Variants in ARL3 observed in about 807,000 individuals in gnomAD.
The protein encoded by ARL3 is ARF like GTPase 3, also known as ADP-ribosylation factor-like protein 3.
A neutral mutation model predicts 26.0 loss-of-function variants in ARL3; 9 were observed. The ratio of observed to expected loss-of-function variants is 0.35; its 90% confidence interval spans 0.21 to 0.60. ARL3 has a LOEUF of 0.60. ARL3 is among the 20% of genes least tolerant of loss of function. The pLI, the probability that ARL3 is intolerant of heterozygous loss-of-function variation, is 0.78. For synonymous variants in ARL3, 71 were observed against 78.4 expected (o/e 0.91, Z 0.50); for missense variants, 158 against 215.7 (o/e 0.73, Z 1.67).
chr10:102,697,517 T>A (rs1015715685), intron 3 of ARL3, among the ~76,000 whole-genome samples: 1 of 152,208 alleles, frequency 6.6e-6, no homozygotes, highest in Non-Finnish European at 1.5e-5. Flanking sequence ...ATTTATGAGG[T>A]CAGTCACTGA....
chr10:102,689,679 A>ATCT (rs2064206483), intron 4 of ARL3, among the ~76,000 whole-genome samples: 2 of 151,890 alleles, frequency 1.3e-5, no homozygotes, highest in Non-Finnish European at 2.9e-5. Context: ...TAAAAATACA[A>ATCT]AATTAGCCAG....
At chr10:102,706,041 T>C (rs909915920) in intron 1 of ARL3, among the ~76,000 whole-genome samples, 1 of 152,212 alleles carries the variant, frequency 6.6e-6, no homozygotes, top group Non-Finnish European at 1.5e-5. Flanking sequence ...GGGCTTCCTG[T>C]TAATGATTTT....
chr10:102,710,578 G>A (rs907604899), intron 1 of ARL3, among the ~76,000 whole-genome samples: 6 of 152,126 alleles, frequency 3.9e-5, no homozygotes, highest in East Asian at 1.9e-4. Context: ...ATCCATTCAC[G>A]CAATTATCAT....
intron 3 of ARL3, among the ~76,000 whole-genome samples, chr10:102,691,571 A>G (rs148658224): frequency 0.022 from 3,359 of 152,260 alleles, 60 homozygotes; most frequent in Admixed American, 0.038. Context: ...GTGAAACATT[A>G]TTCTTTTGGC....
intron 1 of ARL3, 105 bp from the exon 2 acceptor site, chr10:102,705,594 G>A (rs991185046): frequency 1.7e-6 from 2 of 1,159,330 alleles, no homozygotes; most frequent in East Asian, 5.6e-5. Context: ...GTTATGGAGA[G>A]CTTATGTTAT....
At chr10:102,685,387 C>T (rs556795882) in intron 5 of ARL3, among the ~76,000 whole-genome samples, 1 of 152,236 alleles carries the variant, frequency 6.6e-6, no homozygotes, top group South Asian at 2.1e-4. Flanking sequence ...GACACCAACC[C>T]TAGGGGTAGG....
chr10:102,685,745 C>T (rs1309387807), intron 5 of ARL3, 71 bp downstream of exon 5: 1 of 1,479,384 alleles, frequency 6.8e-7, no homozygotes, highest in Non-Finnish European at 9.1e-7. Context: ...CAAGATCAGC[C>T]CAACCAATGA....
At chr10:102,688,914 G>T (rs1040951506) in intron 4 of ARL3, among the ~76,000 whole-genome samples, 3 of 152,148 alleles carry the variant, frequency 2.0e-5, no homozygotes, top group Non-Finnish European at 4.4e-5. Flanking sequence ...TGTTCCTCTG[G>T]GTTCGTTTTC....
rs552955813 is a variant in ARL3, at chr10:102,681,186, G to C, written c.502-4245C>G. 2.6e-5 allele frequency among the ~76,000 whole-genome samples: 4 copies of C among 152,030 alleles called. No homozygotes were observed. In the South Asian group the frequency reaches 8.3e-4, roughly 32 times the overall value. On this transcript the variant is annotated intron_variant, in intron 5 of 5. Transcript: ENST00000260746. ...GCGGATCACCTGAGGTCAGGAGTTCGAGACCAGCCTGGCCAACATGGTGAA... is the reference window on the plus strand; with the variant it reads ...GCGGATCACCTGAGGTCAGGAGTTCCAGACCAGCCTGGCCAACATGGTGAA...
chr10:102,706,716 G>T (rs1245663198), intron 1 of ARL3, among the ~76,000 whole-genome samples: 1 of 151,904 alleles, frequency 6.6e-6, no homozygotes, highest in Non-Finnish European at 1.5e-5. Flanking sequence ...TGTCACCCAG[G>T]CTGGAGTGCA....
chr10:102,681,489 T>C (rs1483583721), intron 5 of ARL3, among the ~76,000 whole-genome samples: 1 of 151,878 alleles, frequency 6.6e-6, no homozygotes, highest in Non-Finnish European at 1.5e-5. Context: ...CGAGTGAGCA[T>C]TTAGTGTTCC....
intron 4 of ARL3, among the ~76,000 whole-genome samples, chr10:102,687,391 A>G (rs1300601046): frequency 6.6e-6 from 1 of 151,912 alleles, no homozygotes; most frequent in Non-Finnish European, 1.5e-5. Flanking sequence ...GATTGCCACC[A>G]TGCCCAGCTA....
chr10:102,699,309 G>A lies in ARL3; in HGVS notation c.264+64C>T, dbSNP rs925384090. On this transcript the variant is annotated intron_variant, in intron 3 of 5. Coordinates refer to ENST00000260746, the MANE Select transcript of ARL3 (RefSeq NM_004311.4). ...ATTACTGACAAGAAAGAATGTTACA[G>A]TGTCCATGTTTCTAACACATGGCAG... is the stretch of plus-strand genomic sequence containing the variant. 7 of 868,380 alleles carry A rather than the reference G, an allele frequency of 8.1e-6. No homozygotes were observed. In the African/African-American group the frequency reaches 2.1e-4, roughly 26 times the overall value. 53.8% of individuals were successfully genotyped at this position (868,380 alleles called of 1,614,324 possible). A position where few individuals can be genotyped will look rare whatever the true frequency, so the allele number is the denominator to read the frequency against.
In ARL3 at chr10:102,685,990, T is replaced by C. The variant is rs770692966; in HGVS notation, c.327A>G (p.Glu109=). ...RFEETGQELA[E]LLEEEKLSCV... ...AACTTAGTTTTTCTTCCTCCAGTAA[T>C]TCCGCTAGTTCCTGGATTTTGAGAA... Residue 109 remains glutamate, a synonymous_variant, in exon 5 of 6, where the codon GAA becomes GAG. Transcript: ENST00000260746. The C allele has an allele frequency of 6.2e-7, 1 of 1,612,960 alleles. No individual in the cohort carries two copies. Among genetic ancestry groups the C allele is most frequent in the Non-Finnish European group, 8.5e-7 (1 of 1,179,316 alleles).
chr10:102,680,037 C>T (rs1382776198), intron 5 of ARL3, among the ~76,000 whole-genome samples: 4 of 152,074 alleles, frequency 2.6e-5, no homozygotes, highest in African/African-American at 9.7e-5. Context: ...CTGCAAGCTC[C>T]GCCTCATGCC....
chr10:102,675,872 T>A lies in ARL3; in HGVS notation c.*1022A>T, dbSNP rs190916339. 6.5e-6 allele frequency: 1 copy of A among 152,744 alleles called. No homozygotes were observed. The highest frequency in any genetic ancestry group is 1.5e-5 in the Non-Finnish European group (1 of 68,028). The allele number at this position is 152,744 out of a possible 1,614,324, so 9.5% of individuals were successfully genotyped here. ...TCTAAAAATCGATCTGCCTGGCTTT[T>A]CTCAGTGGAGCAGGTTCATGGTAAA... On this transcript the variant is annotated 3_prime_UTR_variant, in exon 6 of 6. Transcript: ENST00000260746.
At chr10:102,708,908 A>ATATATATATATATATATATTTTTT in intron 1 of ARL3, among the ~76,000 whole-genome samples, 7 of 95,316 alleles carry the variant, frequency 7.3e-5, no homozygotes, top group Admixed American at 1.2e-4. Context: ...ATATATATAT[A>ATATATATATATATATATATTTTTT]TTTTTTTTTT....
At chr10:102,680,862 C>A (rs1000363348) in intron 5 of ARL3, among the ~76,000 whole-genome samples, 1 of 152,174 alleles carries the variant, frequency 6.6e-6, no homozygotes, top group African/African-American at 2.4e-5. Context: ...CAGCTGGATG[C>A]TGCTTCCATC....
chr10:102,708,886 T>TTA (rs1554864082), intron 1 of ARL3, among the ~76,000 whole-genome samples: 2 of 90,502 alleles, frequency 2.2e-5, no homozygotes, highest in African/African-American at 9.5e-5. Flanking sequence ...AAACCATATA[T>TTA]TATATATATA....
Sources: gnomAD v4.1 joint callset for allele counts (sites outside exome capture counted in the v4.1 genomes callset) on GRCh38, gnomAD v4.1.1 for gene constraint, MANE v1.5 for transcripts, NCBI Gene and HGNC (gene_info 2026-07-23, HGNC 2026-07-21) for gene names.